Variants in CIMAP1D observed in about 807,000 individuals in gnomAD.
CIMAP1D encodes the protein protein CIMAP1D.
chr19:473,967 T>C, the CIMAP1D span, among the ~76,000 whole-genome samples: 11,441 of 127,938 alleles, frequency 0.089, 46 homozygotes, highest in Non-Finnish European at 0.13. Flanking sequence ...CAGGCAGAGA[T>C]ACACGGTCAC....
the CIMAP1D span, chr19:464,370 A>C: frequency 6.6e-7 from 1 of 1,512,494 alleles, no homozygotes. Context: ...CGGACCTGAG[A>C]GAGTGGGGAA....
chr19:467,837 C>G, the CIMAP1D span: 5 of 929,426 alleles, frequency 5.4e-6, no homozygotes, highest in Non-Finnish European at 6.5e-6. Flanking sequence ...CTCAGTGCCC[C>G]TCTTGGCCCC....
At chr19:472,494 C>A in the CIMAP1D span, 1 of 1,541,756 alleles carries the variant, frequency 6.5e-7, no homozygotes, top group East Asian at 2.5e-5. Context: ...ACAAGCCTGG[C>A]CCCGAGCCTG....
At chr19:484,780 C>T in the CIMAP1D span, among the ~76,000 whole-genome samples, 1 of 152,054 alleles carries the variant, frequency 6.6e-6, no homozygotes, top group Admixed American at 6.6e-5. Flanking sequence ...GCGGGGCTGA[C>T]CCAGCAGGTC....
At chr19:489,237 A>C in the CIMAP1D span, 1 of 152,094 alleles carries the variant, frequency 6.6e-6, no homozygotes, top group East Asian at 1.9e-4. Flanking sequence ...GAATGTCATC[A>C]GCAGGGATGG....
the CIMAP1D span, among the ~76,000 whole-genome samples, chr19:478,181 T>C: frequency 6.6e-6 from 1 of 152,166 alleles, no homozygotes; most frequent in East Asian, 1.9e-4. Context: ...CGACCAAAGC[T>C]GCTCCTTCAC....
the CIMAP1D span, among the ~76,000 whole-genome samples, chr19:483,774 A>G: frequency 6.6e-6 from 1 of 152,178 alleles, no homozygotes; most frequent in South Asian, 2.1e-4. Context: ...ATCAATCCCC[A>G]TGGGGCCGGC....
At chr19:481,077 G>GGATAC in the CIMAP1D span, among the ~76,000 whole-genome samples, 1 of 125,978 alleles carries the variant, frequency 7.9e-6, no homozygotes, top group African/African-American at 3.1e-5. Context: ...ATGATGGGAA[G>GGATAC]GATGATGGAG....
chr19:484,432 C>T, the CIMAP1D span, among the ~76,000 whole-genome samples: 10 of 152,300 alleles, frequency 6.6e-5, no homozygotes, highest in Non-Finnish European at 7.3e-5. Flanking sequence ...TGAGCCACCG[C>T]GCCTGGCCTC....
At chr19:467,890 G>A in the CIMAP1D span, 80 of 621,560 alleles carry the variant, frequency 1.3e-4, no homozygotes, top group Non-Finnish European at 1.8e-4. Flanking sequence ...GTCCCATCTC[G>A]GAGGGGTCAC....
At chr19:490,924 C>A in the CIMAP1D span, among the ~76,000 whole-genome samples, 9 of 152,304 alleles carry the variant, frequency 5.9e-5, no homozygotes, top group Admixed American at 4.6e-4. Context: ...TATGGTGAAA[C>A]CCTGTCTCTA....
chr19:475,795 A>G, the CIMAP1D span, among the ~76,000 whole-genome samples: 15 of 146,314 alleles, frequency 1.0e-4, no homozygotes, highest in Non-Finnish European at 1.0e-4. Flanking sequence ...TTTTTTTGAG[A>G]CAGAGTCTCA....
the CIMAP1D span, chr19:464,347 C>G: frequency 6.5e-7 from 1 of 1,541,140 alleles, no homozygotes; most frequent in African/African-American, 1.4e-5. Context: ...GCCCCAGGGC[C>G]TGGCGTCACC....
the CIMAP1D span, among the ~76,000 whole-genome samples, chr19:488,323 C>A: frequency 1.3e-5 from 2 of 151,716 alleles, no homozygotes; most frequent in Non-Finnish European, 2.9e-5. Flanking sequence ...GAGATCGAGA[C>A]CATCCTGGCT....
chr19:485,271 C>T, the CIMAP1D span, among the ~76,000 whole-genome samples: 2 of 152,220 alleles, frequency 1.3e-5, no homozygotes, highest in African/African-American at 2.4e-5. Flanking sequence ...CACAGGCAGG[C>T]GCGCACACAC....
the CIMAP1D span, among the ~76,000 whole-genome samples, chr19:483,245 C>A: frequency 7.1e-6 from 1 of 141,340 alleles, no homozygotes; most frequent in Non-Finnish European, 1.5e-5. Context: ...CAGTCCAGGG[C>A]CCCATCCCCC....
chr19:490,612 G>A, the CIMAP1D span, among the ~76,000 whole-genome samples: 1 of 152,202 alleles, frequency 6.6e-6, no homozygotes, highest in Non-Finnish European at 1.5e-5. Context: ...ACAAACCCTA[G>A]CTGTTGCACA....
At chr19:479,417 G>GT in the CIMAP1D span, among the ~76,000 whole-genome samples, 1 of 147,648 alleles carries the variant, frequency 6.8e-6, no homozygotes, top group African/African-American at 2.5e-5. Flanking sequence ...TTTTTGGGGG[G>GT]GGGGGGGATG....
chr19:465,678 C>G, the CIMAP1D span, among the ~76,000 whole-genome samples: 1 of 120,816 alleles, frequency 8.3e-6, no homozygotes. Flanking sequence ...GATGGATGGG[C>G]AGATAGATGG....
Sources: gnomAD v4.1 joint callset for allele counts (sites outside exome capture counted in the v4.1 genomes callset) on GRCh38, gnomAD v4.1.1 for gene constraint, MANE v1.5 for transcripts, NCBI Gene and HGNC (gene_info 2026-07-23, HGNC 2026-07-21) for gene names.